Variants in STXBP5L observed in about 807,000 individuals in gnomAD.
The protein encoded by STXBP5L is syntaxin-binding protein 5-like.
In STXBP5L, 65 loss-of-function variants were observed where a neutral mutation model predicts 144.5. The observed-to-expected ratio is 0.45, with a 90% CI of 0.37 to 0.55. STXBP5L has a LOEUF of 0.55. Ranked by LOEUF, STXBP5L falls within the 20% of genes least tolerant of loss-of-function variation. The pLI is 0.00. For missense variants in STXBP5L, 1,298 were observed against 1,405.5 expected (o/e 0.92, Z 1.22); for synonymous variants, 505 against 469.6 (o/e 1.08, Z -0.97).
At chr3:121,253,768 C>G (rs1232971706) in intron 15 of STXBP5L, among the ~76,000 whole-genome samples, 1 of 149,482 alleles carries the variant, frequency 6.7e-6, no homozygotes, top group African/African-American at 2.4e-5. Flanking sequence ...GTAGCTGGGA[C>G]CACAGGCGCC....
At chr3:120,970,195 C>T (rs1192498886) in intron 3 of STXBP5L, among the ~76,000 whole-genome samples, 1 of 151,872 alleles carries the variant, frequency 6.6e-6, no homozygotes, top group African/African-American at 2.4e-5. Context: ...TGTCTTTTAG[C>T]CTTCATACTC....
At chr3:121,052,331 A>T (rs1349051738) in intron 5 of STXBP5L, among the ~76,000 whole-genome samples, 1 of 152,198 alleles carries the variant, frequency 6.6e-6, no homozygotes, top group African/African-American at 2.4e-5. Context: ...ATGAACATCG[A>T]TGCAAAAATC....
chr3:120,977,431 T>C (rs996640134), intron 3 of STXBP5L, among the ~76,000 whole-genome samples: 3 of 152,220 alleles, frequency 2.0e-5, no homozygotes, highest in African/African-American at 4.8e-5. Flanking sequence ...TTTGAGCCTA[T>C]ATCTGTCTCT....
intron 6 of STXBP5L, among the ~76,000 whole-genome samples, chr3:121,116,906 T>A (rs2044254946): frequency 6.6e-6 from 1 of 151,948 alleles, no homozygotes; most frequent in Non-Finnish European, 1.5e-5. Flanking sequence ...TTAAATAAAT[T>A]CAATATTAGT....
intron 6 of STXBP5L, among the ~76,000 whole-genome samples, chr3:121,115,500 C>T (rs1352421815): frequency 6.6e-6 from 1 of 152,084 alleles, no homozygotes; most frequent in African/African-American, 2.4e-5. Flanking sequence ...TTACGTTATA[C>T]ATAGGTTTTT....
chr3:121,201,717 A>G (rs2048146803), intron 9 of STXBP5L, among the ~76,000 whole-genome samples: 1 of 151,892 alleles, frequency 6.6e-6, no homozygotes, highest in Non-Finnish European at 1.5e-5. Context: ...CCTGGTGGTG[A>G]CAATATCCCT....
In STXBP5L at chr3:121,336,915, C is replaced by T. The variant is rs575122920; in HGVS notation, c.2176+18375C>T. Among the ~76,000 whole-genome samples the T allele has an allele frequency of 1.8e-4, 28 of 152,274 alleles. No individual in the cohort carries two copies. In the South Asian group the frequency reaches 5.8e-3, roughly 32 times the overall value. On this transcript the variant is annotated intron_variant, in intron 20 of 26. Coordinates refer to ENST00000471454, the MANE Select transcript of STXBP5L (RefSeq NM_001308330.2). ...TACATATACACCATGGAATACCACA[C>T]AGCCATAAAAAAGAATGAGATCATG...
At chr3:121,310,959 A>G (rs532908757) in intron 19 of STXBP5L, among the ~76,000 whole-genome samples, 2 of 152,296 alleles carry the variant, frequency 1.3e-5, no homozygotes, top group African/African-American at 4.8e-5. Flanking sequence ...CACATACTGA[A>G]AGAAAATATT....
At chr3:121,339,642 T>C (rs530028827) in intron 20 of STXBP5L, among the ~76,000 whole-genome samples, 2 of 152,156 alleles carry the variant, frequency 1.3e-5, no homozygotes, top group East Asian at 1.9e-4. Flanking sequence ...GACGATATGA[T>C]TGTGTAACTA....
At chr3:121,031,261 G>A (rs1334522402) in intron 3 of STXBP5L, among the ~76,000 whole-genome samples, 2 of 152,056 alleles carry the variant, frequency 1.3e-5, no homozygotes, top group African/African-American at 2.4e-5. Context: ...TAGGTTGGAA[G>A]CAAGGTCAGA....
In STXBP5L at chr3:121,401,485, G is replaced by A. The variant is rs2046872690; in HGVS notation, c.2588-5758G>A. ...CACTATTCACAATAGCAAAGACTTG[G>A]AACCAACCCAAATGTCCAACAATGA... On this transcript the variant is annotated intron_variant, in intron 22 of 26. Transcript: ENST00000471454. Among the ~76,000 whole-genome samples, 3 of 145,920 alleles carry A rather than the reference G, an allele frequency of 2.1e-5. No homozygotes were observed. In the South Asian group the frequency reaches 6.9e-4, roughly 34 times the overall value.
At chr3:121,071,829 C>T (rs533726154) in intron 5 of STXBP5L, among the ~76,000 whole-genome samples, 1 of 152,208 alleles carries the variant, frequency 6.6e-6, no homozygotes, top group Non-Finnish European at 1.5e-5. Flanking sequence ...CACCTTTTAT[C>T]TGAGTTATCA....
chr3:121,409,406 A>T (rs185000887), intron 23 of STXBP5L, among the ~76,000 whole-genome samples: 2 of 151,996 alleles, frequency 1.3e-5, no homozygotes, highest in African/African-American at 4.8e-5. Context: ...TGGGTACAAG[A>T]AAAAAACAGT....
rs1482488194 is a variant in STXBP5L, at chr3:121,311,186, A to G, written c.2111-7289A>G. Among the ~76,000 whole-genome samples the G allele has an allele frequency of 2.0e-5, 3 of 152,228 alleles. No homozygotes were observed. The East Asian group carries it at 5.8e-4, about 29-fold the overall frequency. ...ATCATAATAAGATACTACTATGACC[A>G]GAAGGACTAAGATTTTAAGAGACTA... On this transcript the variant is annotated intron_variant, in intron 19 of 26. Transcript: ENST00000471454.
chr3:121,055,908 A>G (rs1948428633), intron 5 of STXBP5L, among the ~76,000 whole-genome samples: 1 of 140,490 alleles, frequency 7.1e-6, no homozygotes, highest in South Asian at 2.3e-4. Context: ...GCCCAGGCTG[A>G]TTTCAAATTC....
chr3:121,203,434 A>G (rs2048215063), intron 9 of STXBP5L, among the ~76,000 whole-genome samples: 1 of 151,988 alleles, frequency 6.6e-6, no homozygotes, highest in Non-Finnish European at 1.5e-5. Context: ...ATTTTTACTT[A>G]TTTTTTAATA....
chr3:121,394,262 T>A (rs1437120344), intron 22 of STXBP5L, among the ~76,000 whole-genome samples: 1 of 152,198 alleles, frequency 6.6e-6, no homozygotes, highest in Non-Finnish European at 1.5e-5. Context: ...TTTTATACAT[T>A]GATTTTTATA....
intron 3 of STXBP5L, among the ~76,000 whole-genome samples, chr3:121,005,987 T>TG: frequency 6.6e-6 from 1 of 152,312 alleles, no homozygotes; most frequent in Non-Finnish European, 1.5e-5. Flanking sequence ...TGGTCACTTT[T>TG]GGAATAGGTA....
chr3:121,131,998 G>T (rs1179657409), intron 7 of STXBP5L, among the ~76,000 whole-genome samples: 1 of 152,130 alleles, frequency 6.6e-6, no homozygotes, highest in Non-Finnish European at 1.5e-5. Context: ...AGATTTCCTA[G>T]GTTGCAGCTT....
Sources: allele counts gnomAD v4.1 joint callset (sites outside exome capture counted in the v4.1 genomes callset), GRCh38; gene constraint gnomAD v4.1.1; transcripts MANE v1.5; gene names NCBI Gene and HGNC (gene_info 2026-07-23, HGNC 2026-07-21).